The following EYA4 variants were observed in gnomAD, a reference collection of about 807,000 sequenced individuals.
The protein encoded by EYA4 is protein phosphatase EYA4.
In EYA4, 31 loss-of-function variants were observed where a neutral mutation model predicts 87.9. The ratio of observed to expected loss-of-function variants is 0.35; its 90% CI spans 0.27 to 0.48. The LOEUF is 0.48. Ranked by LOEUF, EYA4 falls within the 20% of genes least tolerant of loss-of-function variation. The pLI, the probability that EYA4 is intolerant of heterozygous loss-of-function variation, is 0.99. For missense variants in EYA4, 678 were observed against 761.4 expected (o/e 0.89, Z 1.29); for synonymous variants, 263 against 270.6 (o/e 0.97, Z 0.28).
intron 9 of EYA4, among the ~76,000 whole-genome samples, chr6:133,463,680 T>C (rs1794609805): frequency 6.6e-6 from 1 of 152,236 alleles, no homozygotes; most frequent in African/African-American, 2.4e-5. Flanking sequence ...CTTAATGCAA[T>C]AGTTGCCAAA....
chr6:133,264,899 A>G (rs563676266), intron 1 of EYA4, among the ~76,000 whole-genome samples: 6 of 152,272 alleles, frequency 3.9e-5, no homozygotes, highest in Admixed American at 6.5e-5. Flanking sequence ...TGTCGTGATC[A>G]TAGCTCACTG....
intron 11 of EYA4, among the ~76,000 whole-genome samples, chr6:133,480,447 G>T (rs888220485): frequency 6.6e-6 from 1 of 152,100 alleles, no homozygotes; most frequent in Non-Finnish European, 1.5e-5. Flanking sequence ...CAGATATGCC[G>T]TCCAGTGCTG....
chr6:133,495,787 A>G (rs781614152), intron 13 of EYA4, among the ~76,000 whole-genome samples: 7 of 151,810 alleles, frequency 4.6e-5, no homozygotes, highest in Admixed American at 2.0e-4. Context: ...AGAGTTTCTG[A>G]TTCAAGAGGT....
At chr6:133,512,677 A>G in intron 14 of EYA4, 44 bp from the exon 15 acceptor site, 1 of 1,445,226 alleles carries the variant, frequency 6.9e-7, no homozygotes, top group Non-Finnish European at 9.7e-7. Context: ...CATGGTAACA[A>G]GCATCATTTA....
chr6:133,256,208 T>C (rs1318521317), intron 1 of EYA4, among the ~76,000 whole-genome samples: 5 of 150,992 alleles, frequency 3.3e-5, no homozygotes, highest in African/African-American at 1.2e-4. Context: ...AATATATACA[T>C]ATAATTTATA....
rs149802124 is a variant in EYA4 at position 133,377,217 on chromosome 6, T to C, written c.34-5175T>C. Among the ~76,000 whole-genome samples the C allele has an allele frequency of 7.7e-3, 1,171 of 152,140 alleles. 11 individuals carry two copies. Among genetic ancestry groups the C allele is most frequent in the African/African-American group, 0.027 (1,113 of 41,544 alleles). ...AGTAGTCACACTTGAAAAGTAAGAA[T>C]CAACAGGAGAAATTATTTTATTTAA... On this transcript the variant is annotated intron_variant, in intron 2 of 19. Coordinates refer to ENST00000355286, the MANE Select transcript of EYA4 (RefSeq NM_004100.5).
At chr6:133,359,023 G>GA (rs1303236832) in intron 2 of EYA4, among the ~76,000 whole-genome samples, 3 of 151,538 alleles carry the variant, frequency 2.0e-5, no homozygotes, top group East Asian at 1.9e-4. Flanking sequence ...GGCCTCGTAA[G>GA]AAAAAAAAGG....
At chr6:133,308,953 A>T (rs1780014480) in intron 2 of EYA4, among the ~76,000 whole-genome samples, 1 of 151,574 alleles carries the variant, frequency 6.6e-6, no homozygotes, top group Non-Finnish European at 1.5e-5. Context: ...ATTTTTTTGA[A>T]TTTTTTTTAT....
At chr6:133,384,329 G>C (rs1378617021) in intron 3 of EYA4, among the ~76,000 whole-genome samples, 1 of 152,028 alleles carries the variant, frequency 6.6e-6, no homozygotes, top group African/African-American at 2.4e-5. Flanking sequence ...TTTTTTTGAA[G>C]ACTGCTTAAA....
rs576251675 is a variant in EYA4 at position 133,285,166 on chromosome 6, T to G, written c.33+10353T>G. 2.0e-3 allele frequency among the ~76,000 whole-genome samples: 310 copies of G among 151,876 alleles called. 1 individual carries two copies. Among genetic ancestry groups the G allele is most frequent in the Non-Finnish European group, 3.7e-3 (251 of 67,984 alleles). ...CACCCGCCACCACGCCCGGCTAATT[T>G]TTTGTATTTTTAGTAGAGACGGGGT... On this transcript the variant is annotated intron_variant, in intron 2 of 19. Transcript: ENST00000355286.
At chr6:133,332,351 T>C (rs1009892163) in intron 2 of EYA4, among the ~76,000 whole-genome samples, 12 of 152,206 alleles carry the variant, frequency 7.9e-5, no homozygotes, top group Admixed American at 2.0e-4. Context: ...TTATCTGAAC[T>C]AAACTCTGAA....
At chr6:133,381,521 A>T (rs951523806) in intron 2 of EYA4, among the ~76,000 whole-genome samples, 8 of 152,118 alleles carry the variant, frequency 5.3e-5, no homozygotes, top group African/African-American at 1.9e-4. Context: ...TCCAAACCAC[A>T]TATTGGAAGT....
chr6:133,243,124 T>A (rs1774109020), intron 1 of EYA4, among the ~76,000 whole-genome samples: 1 of 80,030 alleles, frequency 1.2e-5, no homozygotes, highest in Admixed American at 1.4e-4. Flanking sequence ...GTGTGTTGTG[T>A]ACTTGATCTG....
At chr6:133,506,768 T>C (rs1798668466) in intron 14 of EYA4, among the ~76,000 whole-genome samples, 1 of 152,014 alleles carries the variant, frequency 6.6e-6, no homozygotes, top group African/African-American at 2.4e-5. Flanking sequence ...AAATGGCAAA[T>C]AAGAGGAATA....
intron 7 of EYA4, 30 bp from the exon 8 acceptor site, chr6:133,462,305 C>T (rs1386124498): frequency 3.1e-6 from 5 of 1,612,772 alleles, no homozygotes; most frequent in Non-Finnish European, 4.2e-6. Flanking sequence ...GTCTTTGTTG[C>T]CACAGTAATG....
intron 3 of EYA4, among the ~76,000 whole-genome samples, chr6:133,442,576 G>A (rs149978549): frequency 1.3e-5 from 2 of 151,824 alleles, no homozygotes; most frequent in East Asian, 3.9e-4. Context: ...GGGGGTTTGG[G>A]GTATGAATTT....
Position 133,364,115 on chromosome 6 carries a change from A to G in EYA4, c.34-18277A>G, listed in dbSNP as rs77452022. On this transcript the variant is annotated intron_variant, in intron 2 of 19. Transcript: ENST00000355286. ...CATTGTTTCTGTGCTCAGTGTTCACAATCAAGGAAGTGCTCTTAGCCCTGG... is the reference window on the plus strand; with the variant it reads ...CATTGTTTCTGTGCTCAGTGTTCACGATCAAGGAAGTGCTCTTAGCCCTGG... 7.8e-3 allele frequency among the ~76,000 whole-genome samples: 1,189 copies of G among 152,316 alleles called. 19 individuals are homozygous for G. The highest frequency in any genetic ancestry group is 0.027 in the African/African-American group (1,132 of 41,566).
chr6:133,527,247 A>C (rs943548542), intron 19 of EYA4, among the ~76,000 whole-genome samples: 3 of 152,214 alleles, frequency 2.0e-5, no homozygotes, highest in Non-Finnish European at 2.9e-5. Flanking sequence ...AGAAATGTTA[A>C]GTACTGTTTT....
chr6:133,290,985 TG>T (rs1778443264), intron 2 of EYA4, among the ~76,000 whole-genome samples: 1 of 152,168 alleles, frequency 6.6e-6, no homozygotes, highest in Non-Finnish European at 1.5e-5. Flanking sequence ...CTACAATTGG[TG>T]GATCAGGGTC....
Sources: gnomAD v4.1 joint callset for allele counts (sites outside exome capture counted in the v4.1 genomes callset) on GRCh38, gnomAD v4.1.1 for gene constraint, MANE v1.5 for transcripts, NCBI Gene and HGNC (gene_info 2026-07-23, HGNC 2026-07-21) for gene names.